Variants in CACTIN observed in about 807,000 individuals in gnomAD.
CACTIN encodes splicing factor Cactin.
CACTIN carries 20 observed loss-of-function variants against 84.9 expected under a neutral mutation model. The ratio of observed to expected loss-of-function variants is 0.24; its 90% confidence interval spans 0.17 to 0.34. CACTIN has a LOEUF of 0.34. CACTIN is among the 10% of genes least tolerant of loss of function. CACTIN has a pLI of 1.00. For missense variants in CACTIN, 897 were observed against 1,117.2 expected, an observed-to-expected ratio of 0.80 and a Z score of 2.81; for synonymous variants, 549 against 467.9, an observed-to-expected ratio of 1.17 and a Z score of -2.24.
intron 2 of CACTIN, among the ~76,000 whole-genome samples, chr19:3,623,300 C>T (rs1172629354): frequency 2.0e-5 from 3 of 151,348 alleles, no homozygotes; most frequent in Admixed American, 6.6e-5. Flanking sequence ...GAGGCCAAGG[C>T]GGGTGGATCA....
In CACTIN at chr19:3,623,566, C is replaced by T. The variant is rs368197078; in HGVS notation, c.642+122G>A. 57 of 805,422 alleles carry T rather than the reference C, an allele frequency of 7.1e-5. 1 individual carries two copies. Among genetic ancestry groups the T allele is most frequent in the Middle Eastern group, 7.0e-4 (3 of 4,300 alleles). 49.9% of individuals were successfully genotyped at this position (805,422 alleles called of 1,614,324 possible). A position where few individuals can be genotyped will look rare whatever the true frequency, so the allele number is the denominator to read the frequency against. Reference sequence around the variant, plus strand: ...TGATAGCGGCAGAAGCTTGCTTATGCGTGTGTGTGTAAAACCAACTCTTGC... The same window carrying T: ...TGATAGCGGCAGAAGCTTGCTTATGTGTGTGTGTGTAAAACCAACTCTTGC... On this transcript the variant is annotated intron_variant, in intron 2 of 9. Coordinates refer to ENST00000429344, the MANE Select transcript of CACTIN (RefSeq NM_001080543.2).
Position 3,624,121 on chromosome 19 carries a change from C to T in CACTIN, c.209G>A (p.Arg70Gln), listed in dbSNP as rs752325115. The change falls in exon 2 of 10, where the codon CGA (arginine) becomes CAA (glutamine). Residue 70 changes from arginine (R) to glutamine (Q), a missense_variant. Physicochemically the swap from Arg to Gln is conservative, Grantham distance 43. This residue lies in a region of CACTIN where 261 missense variants were observed against 243.8 expected (regional missense o/e 1.07). Transcript: ENST00000429344. The stretch of plus-strand genomic sequence containing the variant: ...CTTGGGCCGCGGGGGGCTCCGGCTT[C>T]GCATCCCTGAGCGCTGCCACCGCTC... ...EEERWQRSGM[R>Q]SRSPPRPKWH... 25 of 1,584,984 alleles carry T rather than the reference C, an allele frequency of 1.6e-5. No homozygotes were observed. Among genetic ancestry groups the T allele is most frequent in the Middle Eastern group, 1.7e-4 (1 of 6,032 alleles).
Position 3,610,890 on chromosome 19 carries a change from G to C in CACTIN, c.*1033C>G. 1 of 456,760 alleles carries C rather than the reference G, an allele frequency of 2.2e-6. No homozygotes were observed. Among genetic ancestry groups the C allele is most frequent in the African/African-American group, 2.0e-5 (1 of 50,194 alleles). The allele number at this position is 456,760 out of a possible 1,614,324, so 28.3% of individuals were successfully genotyped here. A position where few individuals can be genotyped will look rare whatever the true frequency, so the allele number is the denominator to read the frequency against. ...TTTTGCTTCTGTTGGAGATGTTCCC[G>C]TCGGATGCTGAAGAACAAGCCTGCC... On this transcript the variant is annotated 3_prime_UTR_variant, in exon 10 of 10. Transcript: ENST00000429344.
intron 7 of CACTIN, chr19:3,613,834 T>A: frequency 1.8e-6 from 1 of 551,838 alleles, no homozygotes; most frequent in Non-Finnish European, 3.2e-6. Context: ...TGTCTCACGC[T>A]GCAGTCTCAG....
chr19:3,610,713 A>G lies in CACTIN; in HGVS notation c.*1210T>C, dbSNP rs1044341624. ...CCAATAGGCCAATTCCATGAGAACA[A>G]AAGATTTTTTTTCCCACCTACAAGT... On this transcript the variant is annotated 3_prime_UTR_variant, in exon 10 of 10. Coordinates refer to ENST00000429344, the MANE Select transcript of CACTIN (RefSeq NM_001080543.2). 5 of 456,788 alleles carry G rather than the reference A, an allele frequency of 1.1e-5. No individual in the cohort carries two copies. The highest frequency in any genetic ancestry group is 1.0e-4 in the African/African-American group (5 of 50,084). 28.3% of individuals were successfully genotyped at this position (456,788 alleles called of 1,614,324 possible). A position where few individuals can be genotyped will look rare whatever the true frequency, so the allele number is the denominator to read the frequency against.
intron 2 of CACTIN, chr19:3,621,140 G>A (rs2033216111): frequency 2.3e-6 from 1 of 429,266 alleles, no homozygotes; most frequent in South Asian, 2.1e-5. Flanking sequence ...CCTTGCTCGG[G>A]GCCTGCTGAC....
chr19:3,619,372 G>A, intron 4 of CACTIN, 130 bp from the exon 5 acceptor site: 2 of 1,078,306 alleles, frequency 1.9e-6, no homozygotes, highest in East Asian at 2.5e-5. Flanking sequence ...GTCAGGGAAG[G>A]CTTCCTGGAG....
intron 2 of CACTIN, 166 bp from the exon 3 acceptor site, chr19:3,620,968 C>T (rs2033211636): frequency 1.4e-6 from 1 of 702,816 alleles, no homozygotes. Flanking sequence ...AAACCCAGTG[C>T]ATCCAATTCA....
chr19:3,610,922 G>T lies in CACTIN; in HGVS notation c.*1001C>A, dbSNP rs762792639. The T allele has an allele frequency of 2.0e-5, 9 of 456,632 alleles. No homozygotes were observed. Among genetic ancestry groups the T allele is most frequent in the South Asian group, 1.4e-4 (9 of 64,578 alleles). The allele number at this position is 456,632 out of a possible 1,614,324, so 28.3% of individuals were successfully genotyped here. On this transcript the variant is annotated 3_prime_UTR_variant, in exon 10 of 10. Transcript: ENST00000429344. ...GCTGAAGAACAAGCCTGCCGGCTGGGCCACTCCGACCTGGGCTGTGGCACC... is the reference window on the plus strand; with the variant it reads ...GCTGAAGAACAAGCCTGCCGGCTGGTCCACTCCGACCTGGGCTGTGGCACC...
intron 6 of CACTIN, among the ~76,000 whole-genome samples, chr19:3,618,381 G>T (rs928548419): frequency 6.6e-6 from 1 of 152,148 alleles, no homozygotes; most frequent in Non-Finnish European, 1.5e-5. Flanking sequence ...CAGGGTAGAC[G>T]CTTTAGAGCA....
At chr19:3,617,610 T>C (rs2033131546) in intron 6 of CACTIN, among the ~76,000 whole-genome samples, 1 of 151,362 alleles carries the variant, frequency 6.6e-6, no homozygotes, top group Admixed American at 6.6e-5. Flanking sequence ...AGGGCAACGC[T>C]GGAAACGCCT....
intron 6 of CACTIN, among the ~76,000 whole-genome samples, chr19:3,618,433 A>G (rs960721678): frequency 6.6e-6 from 1 of 151,180 alleles, no homozygotes; most frequent in Non-Finnish European, 1.5e-5. Context: ...GAGGGGGGGG[A>G]AACGTGATTT....
intron 7 of CACTIN, chr19:3,613,922 T>G: frequency 4.6e-6 from 2 of 438,326 alleles, no homozygotes; most frequent in Non-Finnish European, 8.2e-6. Flanking sequence ...TTAGAGACAT[T>G]TACAAATTAG....
chr19:3,620,629 T>C, intron 3 of CACTIN, 78 bp downstream of exon 3: 1 of 1,206,192 alleles, frequency 8.3e-7, no homozygotes, highest in South Asian at 1.5e-5. Flanking sequence ...CTTAAGCCCC[T>C]CAAGTCCTGC....
Position 3,623,828 on chromosome 19 carries a change from C to A in CACTIN, c.502G>T (p.Ala168Ser), listed in dbSNP as rs763973263. Residue 168 changes from alanine (A) to serine (S), a missense_variant, in exon 2 of 10, where the codon GCA (alanine) becomes TCA (serine). Physicochemically the swap from Ala to Ser is moderately conservative, Grantham distance 99. Around this residue, in one of 8 missense-constraint regions of CACTIN, gnomAD observed 304 missense variants for 444.3 expected, o/e 0.68. Coordinates refer to ENST00000429344, the MANE Select transcript of CACTIN (RefSeq NM_001080543.2). ...GCCTCCTTCTTGGCCAGCCGCCGTG[C>A]GCGCTTCTCCTCGGGCGTCTCGAAG... Reference protein sequence around the residue: ...KAFETPEEKRARRLAKKEAKE... With the variant: ...KAFETPEEKRSRRLAKKEAKE... 1 of 1,613,084 alleles carries A rather than the reference C, an allele frequency of 6.2e-7. No individual in the cohort carries two copies. The highest frequency in any genetic ancestry group is 1.1e-5 in the South Asian group (1 of 91,086).
chr19:3,621,357 C>CAA, intron 2 of CACTIN, among the ~76,000 whole-genome samples: 1 of 152,280 alleles, frequency 6.6e-6, no homozygotes, highest in South Asian at 2.1e-4. Context: ...TGGAGACCCT[C>CAA]AAAGCTGGCT....
In CACTIN at chr19:3,613,461, T is replaced by C. The variant is rs756208260; in HGVS notation, c.1478+3A>G. The C allele has an allele frequency of 4.4e-6, 7 of 1,575,662 alleles. No homozygotes were observed. The highest frequency in any genetic ancestry group is 1.2e-5 in the South Asian group (1 of 86,890). ...GCGTCCCCGGGGTGCCGGCCGGGCCTACCTGCGGCTGGGGGACTGGGGCTC... is the reference window on the plus strand; with the variant it reads ...GCGTCCCCGGGGTGCCGGCCGGGCCCACCTGCGGCTGGGGGACTGGGGCTC... On this transcript the variant is annotated splice_donor_region_variant and intron_variant, in intron 8 of 9. Coordinates refer to ENST00000429344, the MANE Select transcript of CACTIN (RefSeq NM_001080543.2).
chr19:3,612,978 G>A, intron 9 of CACTIN, 80 bp downstream of exon 9: 6 of 1,482,856 alleles, frequency 4.0e-6, no homozygotes, highest in Middle Eastern at 2.0e-4. Context: ...AGCGGCTTCG[G>A]CCGGGAAATG....
intron 3 of CACTIN, 34 bp from the exon 4 acceptor site, chr19:3,620,306 C>T (rs374153775): frequency 1.1e-5 from 17 of 1,542,204 alleles, no homozygotes; most frequent in Non-Finnish European, 1.2e-5. Flanking sequence ...CAGCGGGGAC[C>T]GTGCGGTCTG....
Sources: allele counts gnomAD v4.1 joint callset (sites outside exome capture counted in the v4.1 genomes callset), GRCh38; gene constraint gnomAD v4.1.1; regional missense constraint gnomAD v4.1.1; transcripts MANE v1.5; gene names NCBI Gene and HGNC (gene_info 2026-07-23, HGNC 2026-07-21).